The following TASP1 variants were observed in gnomAD, a reference collection of about 807,000 sequenced individuals.
TASP1 encodes the protein threonine aspartase 1.
Under a neutral mutation model 56.6 loss-of-function variants are expected in TASP1, and 16 were observed. The observed-to-expected ratio is 0.28, with a 90% CI of 0.19 to 0.43. The LOEUF (loss-of-function observed/expected upper bound fraction) is 0.43, where lower values mean the gene tolerates loss of function less well. Ranked by LOEUF, TASP1 falls within the 20% of genes least tolerant of loss-of-function variation. The pLI is 1.00. For missense variants in TASP1, 393 were observed against 511.6 expected (o/e 0.77, Z 2.24); for synonymous variants, 179 against 184.2 (o/e 0.97, Z 0.23).
At chr20:13,387,184 A>AT (rs779048448), downstream of TASP1, among the ~76,000 whole-genome samples, 797 of 70,698 alleles carry the variant, frequency 0.011, 63 homozygotes, top group African/African-American at 0.024. Flanking sequence ...ACATGATTTC[A>AT]TTTTTTTTTT....
At chr20:13,174,832 C>A in the TASP1 span, among the ~76,000 whole-genome samples, 1 of 152,056 alleles carries the variant, frequency 6.6e-6, no homozygotes, top group South Asian at 2.1e-4. Flanking sequence ...CCAAATATCA[C>A]CTTAAACTGT....
the TASP1 span, among the ~76,000 whole-genome samples, chr20:13,188,358 T>A: frequency 6.6e-6 from 1 of 152,006 alleles, no homozygotes; most frequent in Non-Finnish European, 1.5e-5. Context: ...GGATACAAAA[T>A]CAACATACAA....
chr20:13,456,392 T>C (rs895510641), intron 11 of TASP1, among the ~76,000 whole-genome samples: 3 of 152,088 alleles, frequency 2.0e-5, no homozygotes, highest in Non-Finnish European at 4.4e-5. Flanking sequence ...TTTGTGAAAG[T>C]TTTGATGGAA....
At chr20:13,358,107 A>T in the TASP1 span, among the ~76,000 whole-genome samples, 4,719 of 151,720 alleles carry the variant, frequency 0.031, 222 homozygotes, top group African/African-American at 0.11. Flanking sequence ...CTCAAAAAGC[A>T]CCCCCACTGA....
At chr20:13,225,875 G>C in the TASP1 span, among the ~76,000 whole-genome samples, 4 of 152,030 alleles carry the variant, frequency 2.6e-5, no homozygotes, top group Non-Finnish European at 5.9e-5. Flanking sequence ...AACATACATA[G>C]ATATGGATAT....
At chr20:13,247,097 G>A in the TASP1 span, among the ~76,000 whole-genome samples, 2 of 152,038 alleles carry the variant, frequency 1.3e-5, no homozygotes, top group African/African-American at 4.8e-5. Context: ...CAGGTGTGGT[G>A]GCACATGCTT....
At chr20:13,301,214 A>G in the TASP1 span, among the ~76,000 whole-genome samples, 1 of 151,866 alleles carries the variant, frequency 6.6e-6, no homozygotes, top group African/African-American at 2.4e-5. Context: ...TTTTTGAGAC[A>G]GTCTCACTCT....
the TASP1 span, among the ~76,000 whole-genome samples, chr20:13,218,021 G>A: frequency 1.3e-5 from 2 of 152,078 alleles, no homozygotes; most frequent in African/African-American, 2.4e-5. Flanking sequence ...AGGCCGAAGC[G>A]GGTGGATCAT....
rs183646782 is a variant in TASP1, at chr20:13,431,195, G to A, written c.1096+3849C>T. 4.0e-3 allele frequency among the ~76,000 whole-genome samples: 609 copies of A among 151,852 alleles called. 5 individuals carry two copies. Among genetic ancestry groups the A allele is most frequent in the African/African-American group, 0.014 (559 of 41,380 alleles). On this transcript the variant is annotated intron_variant, in intron 12 of 13. Coordinates refer to ENST00000337743, the MANE Select transcript of TASP1 (RefSeq NM_017714.3). ...AAAGAAAGACTTCTGAGCTTTCCTCGTTACTAGAAATTACTGAGCTCCAGA... is the reference window on the plus strand; with the variant it reads ...AAAGAAAGACTTCTGAGCTTTCCTCATTACTAGAAATTACTGAGCTCCAGA...
intron 11 of TASP1, among the ~76,000 whole-genome samples, chr20:13,438,589 C>A (rs912549808): frequency 1.3e-5 from 2 of 152,054 alleles, no homozygotes; most frequent in East Asian, 1.9e-4. Flanking sequence ...CAGGACATAG[C>A]CATGGGCAAG....
chr20:13,453,604 G>A (rs1327628156), intron 11 of TASP1, among the ~76,000 whole-genome samples: 2 of 152,060 alleles, frequency 1.3e-5, no homozygotes, highest in Admixed American at 1.3e-4. Context: ...ATAAAAAGGT[G>A]ACTCATCACC....
At chr20:13,380,935 C>T in the TASP1 span, among the ~76,000 whole-genome samples, 1 of 152,212 alleles carries the variant, frequency 6.6e-6, no homozygotes, top group Admixed American at 6.5e-5. Context: ...CCCCTCCAAG[C>T]TCAAGCATCC....
At chr20:13,407,104 C>A (rs989674715) in intron 13 of TASP1, among the ~76,000 whole-genome samples, 1 of 152,090 alleles carries the variant, frequency 6.6e-6, no homozygotes, top group Non-Finnish European at 1.5e-5. Context: ...AGATATAATT[C>A]ATATATCAGA....
At chr20:13,343,836 G>A in the TASP1 span, among the ~76,000 whole-genome samples, 1 of 152,242 alleles carries the variant, frequency 6.6e-6, no homozygotes, top group South Asian at 2.1e-4. Context: ...CCCAACAAGT[G>A]GAATCTATTC....
the TASP1 span, among the ~76,000 whole-genome samples, chr20:13,316,674 G>T: frequency 6.6e-6 from 1 of 150,406 alleles, no homozygotes; most frequent in Non-Finnish European, 1.5e-5. Flanking sequence ...TGCTAAAAAA[G>T]AAAGATCACA....
At chr20:13,437,989 C>T (rs1254050705) in intron 11 of TASP1, among the ~76,000 whole-genome samples, 4 of 149,972 alleles carry the variant, frequency 2.7e-5, no homozygotes, top group South Asian at 2.1e-4. Flanking sequence ...TGACTTTCTT[C>T]ACAGAATTGG....
chr20:13,235,523 C>G, the TASP1 span, among the ~76,000 whole-genome samples: 2 of 152,150 alleles, frequency 1.3e-5, no homozygotes, highest in Non-Finnish European at 2.9e-5. Flanking sequence ...GGCTGTGTGG[C>G]CAGAGTCAGG....
chr20:13,108,672 T>TCAAGCAATTCTCCTGTCTC, the TASP1 span, among the ~76,000 whole-genome samples: 6 of 152,120 alleles, frequency 3.9e-5, no homozygotes, highest in African/African-American at 1.4e-4. Flanking sequence ...TCTCCTGGGT[T>TCAAGCAATTCTCCTGTCTC]CAAGCAATTC....
intron 13 of TASP1, among the ~76,000 whole-genome samples, chr20:13,409,986 C>T (rs1362744907): frequency 6.6e-6 from 1 of 152,142 alleles, no homozygotes; most frequent in Non-Finnish European, 1.5e-5. Context: ...ACTCACACAC[C>T]TTTCCAAGTC....
Sources: gnomAD v4.1 joint callset for allele counts (sites outside exome capture counted in the v4.1 genomes callset) on GRCh38, gnomAD v4.1.1 for gene constraint, MANE v1.5 for transcripts, NCBI Gene and HGNC (gene_info 2026-07-23, HGNC 2026-07-21) for gene names.